Variants in ZSCAN25 observed in about 807,000 individuals in gnomAD.
ZSCAN25 encodes zinc finger and SCAN domain containing 25.
Under a neutral mutation model 38.7 loss-of-function variants are expected in ZSCAN25, and 27 were observed. The observed-to-expected ratio is 0.70, with a 90% CI of 0.51 to 0.96. The LOEUF (loss-of-function observed/expected upper bound fraction) is 0.96, where lower values mean the gene tolerates loss of function less well. Among genes scored for constraint, ZSCAN25 ranks in the 40% least tolerant of loss-of-function variants. The pLI, the probability that ZSCAN25 is intolerant of heterozygous loss-of-function variation, is 0.00. For missense variants in ZSCAN25, 637 were observed against 705.9 expected (o/e 0.90, Z 1.11); for synonymous variants, 273 against 277.7 (o/e 0.98, Z 0.17).
At chr7:99,669,173 T>C in the ZSCAN25 span, among the ~76,000 whole-genome samples, 1 of 152,212 alleles carries the variant, frequency 6.6e-6, no homozygotes, top group African/African-American at 2.4e-5. Flanking sequence ...CAATGAAAAG[T>C]GGACAAATGA....
At chr7:99,714,074 G>A in the ZSCAN25 span, among the ~76,000 whole-genome samples, 1 of 152,170 alleles carries the variant, frequency 6.6e-6, no homozygotes, top group East Asian at 1.9e-4. Flanking sequence ...GTTCACTCGA[G>A]GCTGTCAGAG....
chr7:99,723,274 A>AAT, the ZSCAN25 span, among the ~76,000 whole-genome samples: 1 of 152,120 alleles, frequency 6.6e-6, no homozygotes, highest in African/African-American at 2.4e-5. Context: ...ACGTTCCATT[A>AAT]TGACTTGTTA....
chr7:99,703,525 CGTATATCTGTT>C, the ZSCAN25 span, among the ~76,000 whole-genome samples: 1 of 152,144 alleles, frequency 6.6e-6, no homozygotes, highest in Admixed American at 6.5e-5. Flanking sequence ...ATATATCTAT[CGTATATCTGTT>C]ATCTATCACC....
chr7:99,683,764 C>T, the ZSCAN25 span, among the ~76,000 whole-genome samples: 1,239 of 152,212 alleles, frequency 8.1e-3, 28 homozygotes, highest in African/African-American at 0.028. Context: ...TGTTTCTCCA[C>T]GTGAACACCT....
At chr7:99,722,313 C>CT in the ZSCAN25 span, 31 of 1,613,460 alleles carry the variant, frequency 1.9e-5, no homozygotes, top group Non-Finnish European at 2.6e-5. Flanking sequence ...CTTTTCTATA[C>CT]TTTTTATAAC....
downstream of ZSCAN25, among the ~76,000 whole-genome samples, chr7:99,634,838 C>T (rs1349045305): frequency 1.3e-5 from 2 of 149,438 alleles, no homozygotes; most frequent in Admixed American, 6.7e-5. Flanking sequence ...TGGTGGCAGG[C>T]GCCTGAGGCA....
the ZSCAN25 span, chr7:99,650,244 T>C: frequency 1.9e-6 from 3 of 1,610,988 alleles, no homozygotes; most frequent in South Asian, 2.2e-5. Context: ...TAGTTCCATA[T>C]TGGTAGATTA....
chr7:99,674,493 A>G, the ZSCAN25 span: 24 of 1,538,844 alleles, frequency 1.6e-5, no homozygotes, highest in African/African-American at 3.0e-4. Flanking sequence ...ACCTCCTCAC[A>G]GTAGCAGGTC....
the ZSCAN25 span, chr7:99,700,018 T>G: frequency 1.9e-6 from 3 of 1,611,528 alleles, no homozygotes; most frequent in South Asian, 2.2e-5. Context: ...CACCGCCAAA[T>G]TTGGGATGAG....
At chr7:99,674,878 T>C in the ZSCAN25 span, among the ~76,000 whole-genome samples, 3 of 152,236 alleles carry the variant, frequency 2.0e-5, no homozygotes, top group Non-Finnish European at 4.4e-5. Flanking sequence ...CTTTTTCTTT[T>C]ATTCTCTCTA....
the ZSCAN25 span, chr7:99,663,423 G>C: frequency 6.1e-6 from 6 of 990,032 alleles, no homozygotes; most frequent in Non-Finnish European, 7.2e-6. Context: ...TGGCCTCTAG[G>C]GCTCGTGAAG....
chr7:99,650,227 C>G, the ZSCAN25 span: 1 of 1,613,458 alleles, frequency 6.2e-7, no homozygotes, highest in South Asian at 1.1e-5. Flanking sequence ...CTTCTTCTTA[C>G]TGAACCTAGT....
intron 6 of ZSCAN25, 120 bp from the exon 7 acceptor site, chr7:99,623,937 G>C: frequency 7.1e-7 from 1 of 1,410,190 alleles, no homozygotes; most frequent in Non-Finnish European, 9.8e-7. Flanking sequence ...CAAACAAGTG[G>C]ATTACTCCCA....
chr7:99,705,897 T>C, the ZSCAN25 span, among the ~76,000 whole-genome samples: 4 of 152,204 alleles, frequency 2.6e-5, no homozygotes, highest in Admixed American at 6.5e-5. Context: ...TTAACGAAAA[T>C]GGATGAGTTT....
At chr7:99,682,116 G>A in the ZSCAN25 span, among the ~76,000 whole-genome samples, 21 of 152,166 alleles carry the variant, frequency 1.4e-4, no homozygotes, top group African/African-American at 4.8e-4. Context: ...CTACAGGCAC[G>A]CACCAGCATG....
chr7:99,632,997 T>TTTTTGTTTTTTTGTTTTTTTG (rs1808116431), downstream of ZSCAN25, among the ~76,000 whole-genome samples: 2 of 150,644 alleles, frequency 1.3e-5, no homozygotes, highest in African/African-American at 4.9e-5. Flanking sequence ...TTGTTTTTTT[T>TTTTTGTTTTTTTGTTTTTTTG]TTTTTTGAGC....
At chr7:99,660,806 T>C in the ZSCAN25 span, 1 of 928,260 alleles carries the variant, frequency 1.1e-6, no homozygotes, top group Admixed American at 2.7e-5. Context: ...TTCATTCTGA[T>C]ATGTATCTTA....
the ZSCAN25 span, chr7:99,705,016 T>A: frequency 1.3e-5 from 2 of 158,818 alleles, no homozygotes; most frequent in Non-Finnish European, 2.8e-5. Flanking sequence ...TTCTCCTTAA[T>A]GTGCAGGAAA....
chr7:99,632,989 G>GTTTTTTTTTTTTT (rs751799800), downstream of ZSCAN25, among the ~76,000 whole-genome samples: 54 of 128,552 alleles, frequency 4.2e-4, no homozygotes, highest in African/African-American at 1.5e-3. Flanking sequence ...ATTTTCTGTT[G>GTTTTTTTTTTTTT]TTTTTTTTTT....
Sources: allele counts gnomAD v4.1 joint callset (sites outside exome capture counted in the v4.1 genomes callset), GRCh38; gene constraint gnomAD v4.1.1; transcripts MANE v1.5; gene names NCBI Gene and HGNC (gene_info 2026-07-23, HGNC 2026-07-21).